The following ARHGEF3 variants were observed in gnomAD, a reference collection of about 807,000 sequenced individuals.
ARHGEF3 encodes the protein 59.8 kDA protein.
ARHGEF3 carries 28 observed loss-of-function variants against 63.2 expected under a neutral mutation model. The observed-to-expected ratio is 0.44, with a 90% CI of 0.33 to 0.61. ARHGEF3 has a LOEUF of 0.61. Ranked by LOEUF, ARHGEF3 falls within the 20% of genes least tolerant of loss-of-function variation. The pLI, the probability that ARHGEF3 is intolerant of heterozygous loss-of-function variation, is 0.03. For missense variants in ARHGEF3, 533 were observed against 659.3 expected (o/e 0.81, Z 2.10); for synonymous variants, 266 against 254.2 (o/e 1.05, Z -0.44).
intron 2 of ARHGEF3, among the ~76,000 whole-genome samples, chr3:57,006,017 C>G (rs907791489): frequency 5.3e-5 from 8 of 152,166 alleles, no homozygotes; most frequent in African/African-American, 1.9e-4. Flanking sequence ...AATTAACTTA[C>G]CTGTAACACT....
intron 3 of ARHGEF3, among the ~76,000 whole-genome samples, chr3:56,918,292 G>T (rs1318794631): frequency 1.3e-5 from 2 of 152,306 alleles, no homozygotes; most frequent in East Asian, 3.9e-4. Flanking sequence ...AGCAGCCAAG[G>T]CCAGCCTCAC....
intron 4 of ARHGEF3, among the ~76,000 whole-genome samples, chr3:56,876,972 C>G (rs547638302): frequency 6.6e-6 from 1 of 152,364 alleles, no homozygotes; most frequent in African/African-American, 2.4e-5. Context: ...CCAGGGAAAG[C>G]TGAAAACAAT....
At chr3:56,940,006 A>G (rs902534173) in intron 3 of ARHGEF3, 4 of 152,180 alleles carry the variant, frequency 2.6e-5, no homozygotes, top group Non-Finnish European at 4.4e-5. Flanking sequence ...AGTTGGACCA[A>G]TCAGAATCCC....
intron 3 of ARHGEF3, among the ~76,000 whole-genome samples, chr3:56,939,164 C>CT (rs1434756531): frequency 2.0e-5 from 3 of 152,180 alleles, no homozygotes; most frequent in Non-Finnish European, 4.4e-5. Flanking sequence ...AATAACAGGA[C>CT]TTTTACCAAC....
chr3:57,061,817 A>G (rs1257593461), intron 1 of ARHGEF3, among the ~76,000 whole-genome samples: 1 of 152,192 alleles, frequency 6.6e-6, no homozygotes, highest in Non-Finnish European at 1.5e-5. Context: ...GAGGTGTGGT[A>G]TAATTATTTT....
intron 4 of ARHGEF3, among the ~76,000 whole-genome samples, chr3:56,840,986 GA>G (rs1483946650): frequency 6.6e-6 from 1 of 152,120 alleles, no homozygotes; most frequent in East Asian, 1.9e-4. Flanking sequence ...CAGTACCAAA[GA>G]AAGCTGTTTG....
intron 4 of ARHGEF3, among the ~76,000 whole-genome samples, chr3:56,835,672 C>G (rs2039084196): frequency 6.6e-6 from 1 of 152,166 alleles, no homozygotes; most frequent in African/African-American, 2.4e-5. Flanking sequence ...ATGGCCTCCT[C>G]AGAGTAACTA....
At chr3:56,846,762 T>C (rs2039504470) in intron 4 of ARHGEF3, among the ~76,000 whole-genome samples, 1 of 152,156 alleles carries the variant, frequency 6.6e-6, no homozygotes, top group Non-Finnish European at 1.5e-5. Context: ...TCTCTAGTGA[T>C]CCCAGGGTCT....
At chr3:57,057,160 G>A (rs1704979748) in intron 1 of ARHGEF3, among the ~76,000 whole-genome samples, 1 of 152,112 alleles carries the variant, frequency 6.6e-6, no homozygotes, top group African/African-American at 2.4e-5. Context: ...TGCTCAGGCT[G>A]GGGTGCAGCA....
intron 3 of ARHGEF3, among the ~76,000 whole-genome samples, chr3:56,892,433 C>T (rs4681710): frequency 0.98 from 148,720 of 152,256 alleles, 72,731 homozygotes; most frequent in East Asian, 1. Flanking sequence ...CCAGATTGGA[C>T]TCACTGCAAT....
intron 4 of ARHGEF3, among the ~76,000 whole-genome samples, chr3:56,845,285 C>T (rs2039450370): frequency 6.6e-6 from 1 of 152,148 alleles, no homozygotes; most frequent in Non-Finnish European, 1.5e-5. Context: ...AACTCCTGAC[C>T]CACAAAAATT....
chr3:56,783,392 C>T (rs756934493), intron 1 of ARHGEF3, among the ~76,000 whole-genome samples: 3 of 152,042 alleles, frequency 2.0e-5, no homozygotes, highest in Admixed American at 6.5e-5. Context: ...CCGGTACACC[C>T]GGGAGAAGCA....
intron 3 of ARHGEF3, among the ~76,000 whole-genome samples, chr3:56,902,494 C>T (rs1424961369): frequency 6.6e-6 from 1 of 152,200 alleles, no homozygotes; most frequent in Non-Finnish European, 1.5e-5. Context: ...GAACTGTACC[C>T]CTCTCCCTAC....
At chr3:57,053,612 T>C (rs965665117) in intron 1 of ARHGEF3, among the ~76,000 whole-genome samples, 5 of 152,186 alleles carry the variant, frequency 3.3e-5, no homozygotes, top group Admixed American at 3.3e-4. Flanking sequence ...TCAAAACATA[T>C]AAAACAGTTC....
At chr3:57,017,030 TCTCA>T (rs1324087154) in intron 2 of ARHGEF3, among the ~76,000 whole-genome samples, 16 of 67,802 alleles carry the variant, frequency 2.4e-4, no homozygotes, top group South Asian at 5.5e-4. Flanking sequence ...TCTCTCTCTC[TCTCA>T]CACACACACA....
At chr3:56,925,850 C>T (rs975057083) in intron 3 of ARHGEF3, among the ~76,000 whole-genome samples, 1 of 152,170 alleles carries the variant, frequency 6.6e-6, no homozygotes, top group Non-Finnish European at 1.5e-5. Context: ...TCTCATGGAG[C>T]CTGGAGGCTG....
intron 1 of ARHGEF3, among the ~76,000 whole-genome samples, chr3:56,783,505 C>A (rs2036659222): frequency 6.6e-6 from 1 of 152,104 alleles, no homozygotes; most frequent in Non-Finnish European, 1.5e-5. Context: ...TTCTTGGTAC[C>A]ACTGAGTTTT....
At chr3:56,979,288 T>C (rs1701236414) in intron 2 of ARHGEF3, among the ~76,000 whole-genome samples, 1 of 152,362 alleles carries the variant, frequency 6.6e-6, no homozygotes, top group East Asian at 1.9e-4. Context: ...CATTCCACAC[T>C]CATCCCATTT....
chr3:57,068,170 C>CAA (rs1705673523), intron 1 of ARHGEF3, among the ~76,000 whole-genome samples: 1 of 142,362 alleles, frequency 7.0e-6, no homozygotes, highest in African/African-American at 2.5e-5. Flanking sequence ...CACACACATA[C>CAA]ACACACACAC....
Sources: gnomAD v4.1 joint callset for allele counts (sites outside exome capture counted in the v4.1 genomes callset) on GRCh38, gnomAD v4.1.1 for gene constraint, MANE v1.5 for transcripts, NCBI Gene and HGNC (gene_info 2026-07-23, HGNC 2026-07-21) for gene names.